Variants in RAD51B observed in about 807,000 individuals in gnomAD.
RAD51B encodes RAD51 paralog B, also known as DNA repair protein RAD51 homolog 2.
RAD51B carries 38 observed loss-of-function variants against 42.2 expected under a neutral mutation model. The ratio of observed to expected loss-of-function variants is 0.90; its 90% CI spans 0.70 to 1.18. The LOEUF is 1.18. Among genes scored for constraint, RAD51B ranks in the 50% most tolerant of loss-of-function variants. The pLI, the probability that RAD51B is intolerant of heterozygous loss-of-function variation, is 0.00. For missense variants in RAD51B, 373 were observed against 400.7 expected, an observed-to-expected ratio of 0.93 and a Z score of 0.59; for synonymous variants, 154 against 145.2, an observed-to-expected ratio of 1.06 and a Z score of -0.43.
chr14:68,251,567 G>A (rs887691349), intron 7 of RAD51B, among the ~76,000 whole-genome samples: 9 of 152,204 alleles, frequency 5.9e-5, no homozygotes, highest in African/African-American at 2.2e-4. Flanking sequence ...ACTTTCCCAT[G>A]ATGAGCTTTA....
At chr14:68,042,722 G>A (rs769149690) in intron 7 of RAD51B, among the ~76,000 whole-genome samples, 11 of 152,300 alleles carry the variant, frequency 7.2e-5, no homozygotes, top group Admixed American at 1.3e-4. Context: ...GGTTGTCAGT[G>A]TATACACAAT....
intron 10 of RAD51B, among the ~76,000 whole-genome samples, chr14:68,574,005 T>C (rs1594987561): frequency 1.4e-5 from 2 of 144,462 alleles, no homozygotes; most frequent in South Asian, 2.2e-4. Context: ...TGTGTGTGTG[T>C]GCTCACTCAC....
rs1027634275 is a variant in RAD51B, at chr14:68,375,879, TCACTCTGGGCAGG to T, written c.854-35544_854-35532del. Among the ~76,000 whole-genome samples the T allele has an allele frequency of 2.0e-5, 3 of 152,086 alleles. No individual in the cohort carries two copies. The East Asian group carries it at 5.8e-4, about 29-fold the overall frequency. On this transcript the variant is annotated intron_variant, in intron 8 of 10. Transcript: ENST00000471583. Reference sequence around the variant, plus strand: ...AAATCACCAAGTTTAAAATGAAGGTTCACTCTGGGCAGGAGAGAAGATGATGCTATTGGAGAAG... The same window carrying T: ...AAATCACCAAGTTTAAAATGAAGGTTAGAGAAGATGATGCTATTGGAGAAG...
chr14:68,225,347 C>T (rs1248366358), intron 7 of RAD51B, among the ~76,000 whole-genome samples: 3 of 152,118 alleles, frequency 2.0e-5, no homozygotes, highest in African/African-American at 7.2e-5. Flanking sequence ...GTTAGTTCTC[C>T]CTTACTTGCT....
chr14:67,884,913 T>C (rs1390310486), intron 5 of RAD51B, among the ~76,000 whole-genome samples: 1 of 152,226 alleles, frequency 6.6e-6, no homozygotes, highest in African/African-American at 2.4e-5. Flanking sequence ...GTTTTGGTTA[T>C]GTTTTTAAAG....
At chr14:68,594,962 C>T (rs907498535) in exon 11 of RAD51B, 25 of 1,078,160 alleles carry the variant, frequency 2.3e-5, no homozygotes, top group Non-Finnish European at 2.7e-5. Flanking sequence ...TAAGGCACCC[C>T]GCCACCCACT....
At chr14:68,513,133 A>G (rs1164769125) in intron 10 of RAD51B, among the ~76,000 whole-genome samples, 1 of 152,160 alleles carries the variant, frequency 6.6e-6, no homozygotes, top group East Asian at 1.9e-4. Flanking sequence ...GCTTCACAGG[A>G]TGTCCTTGGA....
chr14:68,498,538 G>T (rs1430546689), intron 10 of RAD51B, among the ~76,000 whole-genome samples: 7 of 152,160 alleles, frequency 4.6e-5, no homozygotes, highest in Non-Finnish European at 1.0e-4. Context: ...AGTGTTCAGA[G>T]CTCCCAGATT....
intron 7 of RAD51B, among the ~76,000 whole-genome samples, chr14:68,123,669 A>G (rs538706880): frequency 1.3e-5 from 2 of 152,034 alleles, no homozygotes; most frequent in African/African-American, 4.8e-5. Context: ...TTAGCTCGGC[A>G]TGGTGGCGCA....
intron 8 of RAD51B, among the ~76,000 whole-genome samples, chr14:68,341,104 TAA>T: frequency 6.6e-6 from 1 of 152,218 alleles, no homozygotes; most frequent in East Asian, 1.9e-4. Context: ...AGCACAATGT[TAA>T]TGACTAAATT....
At chr14:68,165,697 G>A (rs2078734462) in intron 7 of RAD51B, among the ~76,000 whole-genome samples, 2 of 152,154 alleles carry the variant, frequency 1.3e-5, no homozygotes, top group Non-Finnish European at 2.9e-5. Flanking sequence ...ACCTGGTGGT[G>A]CAGGGCTCTA....
chr14:67,862,847 AT>A (rs2042206651), intron 4 of RAD51B, among the ~76,000 whole-genome samples: 1 of 152,110 alleles, frequency 6.6e-6, no homozygotes. Context: ...ATATTATAAA[AT>A]GATTTTTAAT....
chr14:67,910,357 G>A (rs1427114965), intron 7 of RAD51B, among the ~76,000 whole-genome samples: 1 of 64,080 alleles, frequency 1.6e-5, no homozygotes, highest in East Asian at 3.7e-4. Context: ...AGTGAGCCGA[G>A]ATCGCGCCAC....
chr14:68,652,545 A>C (rs1249825698), intron 11 of RAD51B, among the ~76,000 whole-genome samples: 1 of 152,178 alleles, frequency 6.6e-6, no homozygotes, highest in East Asian at 1.9e-4. Context: ...GTTCTTGCCC[A>C]ACCTTCACTT....
chr14:68,145,101 A>G (rs2078222303), intron 7 of RAD51B, among the ~76,000 whole-genome samples: 1 of 152,260 alleles, frequency 6.6e-6, no homozygotes, highest in Non-Finnish European at 1.5e-5. Flanking sequence ...AATATTAACT[A>G]TCCAAACTCC....
intron 7 of RAD51B, among the ~76,000 whole-genome samples, chr14:68,203,140 G>T (rs548553651): frequency 6.6e-6 from 1 of 152,060 alleles, no homozygotes; most frequent in Non-Finnish European, 1.5e-5. Context: ...TTTCCAGAAC[G>T]TTCCCAATTT....
rs117410915 is a variant in RAD51B, at chr14:68,625,262, G to A, written c.1037-25519G>A. ...CTGCCCATGTCGTGAGATGTGTATC[G>A]GAGCTACAACTCCTCCAGGCATTTT... is the stretch of plus-strand genomic sequence containing the variant. On this transcript the variant is annotated intron_variant, in intron 10 of 11. Coordinates refer to the RAD51B transcript ENST00000488612. Among the ~76,000 whole-genome samples the A allele has an allele frequency of 8.1e-4, 124 of 152,170 alleles. 2 individuals carry two copies. The highest frequency in any genetic ancestry group is 6.8e-3 in the Middle Eastern group (2 of 294).
intron 7 of RAD51B, among the ~76,000 whole-genome samples, chr14:67,959,376 A>C (rs982464100): frequency 6.6e-6 from 1 of 151,846 alleles, no homozygotes; most frequent in African/African-American, 2.4e-5. Context: ...CCTCCTGAGT[A>C]GCTGGGACTA....
chr14:67,831,333 A>T (rs1284394428), intron 3 of RAD51B, among the ~76,000 whole-genome samples: 2 of 152,226 alleles, frequency 1.3e-5, no homozygotes, highest in Non-Finnish European at 2.9e-5. Flanking sequence ...GTGATTGCCT[A>T]TAAAGTGCAT....
Sources: allele counts gnomAD v4.1 joint callset (sites outside exome capture counted in the v4.1 genomes callset), GRCh38; gene constraint gnomAD v4.1.1; transcripts MANE v1.5; gene names NCBI Gene and HGNC (gene_info 2026-07-23, HGNC 2026-07-21).